The following LRRK1 variants were observed in gnomAD, a reference collection of about 807,000 sequenced individuals.
LRRK1 encodes the protein leucine rich repeat kinase 1.
In LRRK1, 113 loss-of-function variants were observed where a neutral mutation model predicts 209.1. That is an observed-to-expected ratio of 0.54 (90% CI 0.46 to 0.63). The LOEUF is 0.63. Ranked by LOEUF, LRRK1 falls within the 30% of genes least tolerant of loss-of-function variation. The probability of loss-of-function intolerance (pLI) is 0.00; values close to 1 mark genes in which losing one functional copy is unlikely to be tolerated. For synonymous variants in LRRK1, 1,144 were observed against 1,099.7 expected (o/e 1.04, Z -0.80); for missense variants, 2,284 against 2,632.2 (o/e 0.87, Z 2.89).
chr15:101,068,753 G>C lies in LRRK1; in HGVS notation c.5953G>C (p.Val1985Leu), dbSNP rs200452795. 14 of 1,613,860 alleles carry C rather than the reference G, an allele frequency of 8.7e-6. No individual in the cohort carries two copies. Among genetic ancestry groups the C allele is most frequent in the East Asian group, 2.2e-5 (1 of 44,898 alleles). ...ENENTEWCLA[V>L]WRGWGAREFD... ...TGAAAACACAGAGTGGTGCCTGGCC[G>C]TCTGGAGGGGCTGGGGCGCCAGGGA... Residue 1985 changes from valine to leucine, a missense_variant, in exon 34 of 34, where the codon GTC becomes CTC. This residue lies in a region of LRRK1 where 643 missense variants were observed against 695.9 expected (regional missense o/e 0.92). Transcript: ENST00000388948.
At chr15:100,937,851 T>G (rs1297951808) in intron 2 of LRRK1, among the ~76,000 whole-genome samples, 2 of 150,966 alleles carry the variant, frequency 1.3e-5, no homozygotes, top group East Asian at 3.9e-4. Context: ...TTTCTTTATT[T>G]ATTTACTTAC....
chr15:101,060,895 G>A (rs527811057), intron 29 of LRRK1, among the ~76,000 whole-genome samples: 17 of 152,374 alleles, frequency 1.1e-4, no homozygotes, highest in Admixed American at 3.9e-4. Flanking sequence ...TATGGCCGGC[G>A]GGAGGGCCCC....
intron 31 of LRRK1, chr15:101,064,601 G>T: frequency 6.5e-6 from 1 of 153,200 alleles, no homozygotes; most frequent in Non-Finnish European, 1.5e-5. Flanking sequence ...GGCACCCTGA[G>T]GACCCTGTCA....
intron 6 of LRRK1, among the ~76,000 whole-genome samples, chr15:100,993,645 C>T (rs1027067587): frequency 1.3e-5 from 2 of 152,094 alleles, no homozygotes; most frequent in African/African-American, 4.8e-5. Context: ...TATTTATTTT[C>T]AGGTTTTTAT....
intron 6 of LRRK1, among the ~76,000 whole-genome samples, chr15:100,991,947 A>G (rs1003187682): frequency 1.3e-5 from 2 of 152,142 alleles, no homozygotes; most frequent in East Asian, 3.8e-4. Flanking sequence ...TTTTGCAGCA[A>G]TTAGTGTATT....
At chr15:101,017,959 T>C (rs942763311) in intron 12 of LRRK1, among the ~76,000 whole-genome samples, 2 of 151,898 alleles carry the variant, frequency 1.3e-5, no homozygotes, top group African/African-American at 2.4e-5. Context: ...AACTTTGCTA[T>C]GAGGGAGATC....
chr15:100,921,798 C>T (rs1450890289), intron 1 of LRRK1, among the ~76,000 whole-genome samples: 1 of 152,170 alleles, frequency 6.6e-6, no homozygotes, highest in Middle Eastern at 3.2e-3. Flanking sequence ...CTCACTGCAA[C>T]CTCCACCTCC....
intron 2 of LRRK1, among the ~76,000 whole-genome samples, chr15:100,926,627 T>C (rs1215828880): frequency 6.6e-6 from 1 of 151,258 alleles, no homozygotes; most frequent in Non-Finnish European, 1.5e-5. Flanking sequence ...CAAGCATGGG[T>C]AATTTTTTCT....
At chr15:101,009,159 GA>G in intron 7 of LRRK1, 96 bp downstream of exon 7, 9 of 1,000,020 alleles carry the variant, frequency 9.0e-6, no homozygotes, top group African/African-American at 1.6e-5. Context: ...GGTTTTGGGG[GA>G]AAAATGTTCT....
At chr15:100,980,944 T>C (rs1488714674) in intron 3 of LRRK1, among the ~76,000 whole-genome samples, 1 of 152,208 alleles carries the variant, frequency 6.6e-6, no homozygotes, top group African/African-American at 2.4e-5. Context: ...TCTGCAGGTG[T>C]GCAGGTGTGT....
rs2035565605 is a variant in LRRK1 at position 101,053,073 on chromosome 15, G to T, written c.3841G>T (p.Ala1281Ser). 2 of 1,608,768 alleles carry T rather than the reference G, an allele frequency of 1.2e-6. No homozygotes were observed. Among genetic ancestry groups the T allele is most frequent in the African/African-American group, 1.3e-5 (1 of 74,864 alleles). ...CCACATCAAAAAATTCAAGAACTTTGCTAACGTACCGGCAGGTAAGCGGGT... is the reference window on the plus strand; with the variant it reads ...CCACATCAAAAAATTCAAGAACTTTTCTAACGTACCGGCAGGTAAGCGGGT... ...RFHIKKFKNF[A>S]NVPADTMLRH... The change falls in exon 25 of 34, where the codon GCT becomes TCT. Residue 1281 changes from alanine (A) to serine (S), a missense_variant. Physicochemically the swap from Ala to Ser is moderately conservative, Grantham distance 99. This residue lies in a region of LRRK1 where 780 missense variants were observed against 985.2 expected (regional missense o/e 0.79). Coordinates refer to ENST00000388948, the MANE Select transcript of LRRK1 (RefSeq NM_024652.6).
intron 2 of LRRK1, among the ~76,000 whole-genome samples, chr15:100,948,906 C>A (rs996422733): frequency 1.3e-5 from 2 of 152,022 alleles, no homozygotes; most frequent in African/African-American, 4.8e-5. Flanking sequence ...GCAGCAGCTA[C>A]CTATATGTAA....
rs2036726592 is a variant in LRRK1 at position 101,069,907 on chromosome 15, C to T, written c.*1059C>T. ...ACACATGCACACACATATGCACACACATGTGCAAACATAGCCACTTTTTTG... is the reference window on the plus strand; with the variant it reads ...ACACATGCACACACATATGCACACATATGTGCAAACATAGCCACTTTTTTG... On this transcript the variant is annotated 3_prime_UTR_variant, in exon 34 of 34. Transcript: ENST00000388948. The T allele has an allele frequency of 6.6e-6, 1 of 152,362 alleles. No individual in the cohort carries two copies. The highest frequency in any genetic ancestry group is 1.9e-4 in the East Asian group (1 of 5,194). The allele number at this position is 152,362 out of a possible 1,614,324, so 9.4% of individuals were successfully genotyped here.
intron 20 of LRRK1, among the ~76,000 whole-genome samples, chr15:101,036,015 T>G (rs1296705820): frequency 6.6e-6 from 1 of 152,228 alleles, no homozygotes; most frequent in Non-Finnish European, 1.5e-5. Context: ...ATTGCTGTAT[T>G]TAGAATTCTC....
intron 24 of LRRK1, 140 bp from the exon 25 acceptor site, chr15:101,052,782 G>A (rs2035535622): frequency 6.0e-6 from 6 of 991,972 alleles, no homozygotes; most frequent in Non-Finnish European, 8.7e-6. Flanking sequence ...ACAAGTGGCA[G>A]GGCCGGGGTG....
chr15:100,993,380 C>G (rs1262222409), intron 6 of LRRK1, among the ~76,000 whole-genome samples: 1 of 152,122 alleles, frequency 6.6e-6, no homozygotes, highest in African/African-American at 2.4e-5. Context: ...GTACATACAT[C>G]CATCGATACA....
intron 20 of LRRK1, among the ~76,000 whole-genome samples, chr15:101,044,352 G>A (rs991176108): frequency 7.9e-5 from 12 of 152,248 alleles, no homozygotes; most frequent in African/African-American, 2.4e-4. Flanking sequence ...GGGGTGGCAT[G>A]AGCCAGCACC....
chr15:100,949,705 G>A (rs1184178151), intron 2 of LRRK1, among the ~76,000 whole-genome samples: 2 of 152,104 alleles, frequency 1.3e-5, no homozygotes, highest in African/African-American at 4.8e-5. Context: ...AGGATTCCAA[G>A]CTTGGTTTAA....
At position 101,076,813 on chromosome 15, in the gene LRRK1, T is replaced by A. The variant is rs2924841; in HGVS notation, c.*7965T>A. ...AGTCAGATAACTAAAATACCTCTTA[T>A]TCTAGGTAGACACTTTCACTGGATA... On this transcript the variant is annotated 3_prime_UTR_variant, in exon 34 of 34. Transcript: ENST00000388948. The A allele has an allele frequency of 1.3e-5, 2 of 152,014 alleles. No homozygotes were observed. The highest frequency in any genetic ancestry group is 4.8e-5 in the African/African-American group (2 of 41,368). 9.4% of individuals were successfully genotyped at this position (152,014 alleles called of 1,614,324 possible).
Sources: gnomAD v4.1 joint callset for allele counts (sites outside exome capture counted in the v4.1 genomes callset) on GRCh38, gnomAD v4.1.1 for gene constraint, gnomAD v4.1.1 regional missense constraint, MANE v1.5 for transcripts, NCBI Gene and HGNC (gene_info 2026-07-23, HGNC 2026-07-21) for gene names.